SLCO3A1: variants seen among roughly 807,000 people sequenced by gnomAD.
The protein encoded by SLCO3A1 is PGE1 transporter.
In SLCO3A1, 27 loss-of-function variants were observed where a neutral mutation model predicts 63.1. That is an observed-to-expected ratio of 0.43 (90% CI 0.32 to 0.59). The LOEUF (loss-of-function observed/expected upper bound fraction) is 0.59. Among genes scored for constraint, SLCO3A1 ranks in the 20% least tolerant of loss-of-function variants. SLCO3A1 has a pLI of 0.09. For missense variants in SLCO3A1, 773 were observed against 945.8 expected, an observed-to-expected ratio of 0.82 and a Z score of 2.40; for synonymous variants, 473 against 409.9, an observed-to-expected ratio of 1.15 and a Z score of -1.86.
Position 91,865,859 on chromosome 15 carries a change from A to G in SLCO3A1, c.180+11771A>G. ...CTTTTTGGGGAAAACAAATCAATTCATAACACCAGAGAAGAAAAGAGCAAA... is the reference window on the plus strand; with the variant it reads ...CTTTTTGGGGAAAACAAATCAATTCGTAACACCAGAGAAGAAAAGAGCAAA... On this transcript the variant is annotated intron_variant, in intron 1 of 9. Coordinates refer to ENST00000318445, the MANE Select transcript of SLCO3A1 (RefSeq NM_013272.4). The surrounding 1 kb of genome is among the most constrained non-coding windows in gnomAD (Gnocchi z 4.6). 6.6e-6 allele frequency among the ~76,000 whole-genome samples: 1 copy of G among 152,230 alleles called. No individual in the cohort carries two copies. The highest frequency in any genetic ancestry group is 1.9e-4 in the East Asian group (1 of 5,204).
At chr15:92,088,491 C>T (rs954305020) in intron 2 of SLCO3A1, among the ~76,000 whole-genome samples, 1 of 152,202 alleles carries the variant, frequency 6.6e-6, no homozygotes, top group Non-Finnish European at 1.5e-5. Context: ...TATTAGTTTT[C>T]TATCACTACT....
At chr15:92,146,893 A>T (rs1218407744) in intron 7 of SLCO3A1, 91 bp from the exon 8 acceptor site, 1 of 1,209,350 alleles carries the variant, frequency 8.3e-7, no homozygotes, top group African/African-American at 1.5e-5. Flanking sequence ...AGAATGTGTA[A>T]TTAGGCTGTG....
chr15:92,008,296 G>A (rs2046333850), intron 2 of SLCO3A1, among the ~76,000 whole-genome samples: 2 of 152,174 alleles, frequency 1.3e-5, no homozygotes, highest in African/African-American at 2.4e-5. Context: ...AGGCTTTATG[G>A]TAACACAGAC....
rs978483330 is a variant in SLCO3A1 at position 91,856,342 on chromosome 15, C to T, written c.180+2254C>T. Among the ~76,000 whole-genome samples the T allele has an allele frequency of 6.6e-6, 1 of 152,108 alleles. No individual in the cohort carries two copies. Among genetic ancestry groups the T allele is most frequent in the African/African-American group, 2.4e-5 (1 of 41,424 alleles). ...GAGTGGAGGCATAAGGCTCTAAGGGCTCTGCTTTGCCCGGCTGCCCTCGTC... is the reference window on the plus strand; with the variant it reads ...GAGTGGAGGCATAAGGCTCTAAGGGTTCTGCTTTGCCCGGCTGCCCTCGTC... On this transcript the variant is annotated intron_variant, in intron 1 of 9. Coordinates refer to ENST00000318445, the MANE Select transcript of SLCO3A1 (RefSeq NM_013272.4). The surrounding 1 kb of genome is among the most constrained non-coding windows in gnomAD (Gnocchi z 4.9).
At chr15:92,029,965 G>A (rs1016146645) in intron 2 of SLCO3A1, among the ~76,000 whole-genome samples, 1 of 152,208 alleles carries the variant, frequency 6.6e-6, no homozygotes, top group South Asian at 2.1e-4. Context: ...GCAGCCTGCC[G>A]GCTCAGTCTG....
chr15:92,045,211 C>T (rs927414971), intron 2 of SLCO3A1, among the ~76,000 whole-genome samples: 1 of 148,288 alleles, frequency 6.7e-6, no homozygotes, highest in African/African-American at 2.5e-5. Flanking sequence ...ACCTGGGAGG[C>T]GGAGGTTCCA....
intron 9 of SLCO3A1, 180 bp from the exon 10 acceptor site, chr15:92,162,576 C>A: frequency 1.0e-6 from 1 of 982,234 alleles, no homozygotes; most frequent in Non-Finnish European, 1.4e-6. Flanking sequence ...CAGATTTGTA[C>A]CATAATAAAA....
chr15:91,913,593 A>AT (rs5814504), intron 1 of SLCO3A1, among the ~76,000 whole-genome samples: 110,440 of 152,022 alleles, frequency 0.73, 40,771 homozygotes, highest in East Asian at 0.91. Context: ...TGGCTATAGC[A>AT]TTTTTTTGGT....
chr15:92,070,305 T>C (rs1280867321), intron 2 of SLCO3A1, among the ~76,000 whole-genome samples: 2 of 152,264 alleles, frequency 1.3e-5, no homozygotes, highest in Non-Finnish European at 2.9e-5. Flanking sequence ...GACAGGATAA[T>C]AGCATTGTAG....
At chr15:92,108,800 A>G (rs1351373583) in intron 4 of SLCO3A1, among the ~76,000 whole-genome samples, 1 of 151,922 alleles carries the variant, frequency 6.6e-6, no homozygotes, top group East Asian at 1.9e-4. Flanking sequence ...TCTGGGCTGG[A>G]CTGTTTCTCA....
intron 1 of SLCO3A1, among the ~76,000 whole-genome samples, chr15:91,910,244 G>A (rs1898442083): frequency 6.6e-6 from 1 of 152,120 alleles, no homozygotes; most frequent in African/African-American, 2.4e-5. Context: ...GATCTTTGTT[G>A]CATCCCAGGT....
intron 2 of SLCO3A1, among the ~76,000 whole-genome samples, chr15:91,971,123 C>T (rs373339503): frequency 1.4e-4 from 22 of 152,002 alleles, no homozygotes; most frequent in African/African-American, 2.4e-4. Context: ...TGGCCGGGCG[C>T]GGTGGCTCAC....
rs552874797 is a variant in SLCO3A1 at position 91,964,010 on chromosome 15, CTTTT to C, written c.646+47553_646+47556del. Reference sequence around the variant, plus strand: ...AAGTGCTGATTGGTGTGTTCACCATCTTTTAACTAGACCCAGAGCACTGATTGGT... The same window carrying C: ...AAGTGCTGATTGGTGTGTTCACCATCAACTAGACCCAGAGCACTGATTGGT... On this transcript the variant is annotated intron_variant, in intron 2 of 9. Transcript: ENST00000318445. 5.9e-3 allele frequency among the ~76,000 whole-genome samples: 905 copies of C among 152,278 alleles called. 10 individuals are homozygous for C. Among genetic ancestry groups the C allele is most frequent in the Middle Eastern group, 0.017 (5 of 294 alleles).
chr15:91,971,697 A>G (rs1900879715), intron 2 of SLCO3A1, among the ~76,000 whole-genome samples: 1 of 152,182 alleles, frequency 6.6e-6, no homozygotes, highest in African/African-American at 2.4e-5. Flanking sequence ...TACATTAAAT[A>G]AGGTTTGTTT....
At chr15:91,871,741 G>C (rs994495129) in intron 1 of SLCO3A1, among the ~76,000 whole-genome samples, 4 of 134,506 alleles carry the variant, frequency 3.0e-5, no homozygotes, top group Non-Finnish European at 6.3e-5. Context: ...TGACACTGGG[G>C]TGTGCTCATT....
downstream of SLCO3A1, among the ~76,000 whole-genome samples, chr15:92,170,665 T>G (rs1290035124): frequency 3.3e-5 from 5 of 152,204 alleles, no homozygotes; most frequent in Non-Finnish European, 1.5e-5. Flanking sequence ...AGGAGTCTAT[T>G]GTTTCATAGA....
intron 7 of SLCO3A1, among the ~76,000 whole-genome samples, chr15:92,145,445 G>A (rs1051089327): frequency 1.1e-4 from 16 of 152,138 alleles, no homozygotes; most frequent in African/African-American, 2.2e-4. Flanking sequence ...TCAGCTCTGC[G>A]CTAGGAAAAG....
chr15:91,977,129 A>C (rs911823687), intron 2 of SLCO3A1, among the ~76,000 whole-genome samples: 1 of 152,180 alleles, frequency 6.6e-6, no homozygotes, highest in Non-Finnish European at 1.5e-5. Flanking sequence ...AATTTTTGCT[A>C]CATGTCATGA....
At chr15:92,095,314 G>T (rs1028673480) in intron 3 of SLCO3A1, among the ~76,000 whole-genome samples, 1 of 152,234 alleles carries the variant, frequency 6.6e-6, no homozygotes, top group Non-Finnish European at 1.5e-5. Flanking sequence ...GAGTGTCTGT[G>T]TAGAAATGCT....
Sources: gnomAD v4.1 joint callset for allele counts (sites outside exome capture counted in the v4.1 genomes callset) on GRCh38, gnomAD v4.1.1 for gene constraint, Gnocchi (gnomAD v3.1) non-coding constraint, MANE v1.5 for transcripts, NCBI Gene and HGNC (gene_info 2026-07-23, HGNC 2026-07-21) for gene names.